Variants in ITGA11 observed in about 807,000 individuals in gnomAD.
ITGA11 encodes the protein integrin alpha-11.
In ITGA11, 97 loss-of-function variants were observed where a neutral mutation model predicts 141.9. The ratio of observed to expected loss-of-function variants is 0.68; its 90% CI spans 0.58 to 0.81. The LOEUF (loss-of-function observed/expected upper bound fraction) is 0.81. Ranked by LOEUF, ITGA11 falls within the 30% of genes least tolerant of loss-of-function variation. The pLI is 0.00. For synonymous variants in ITGA11, 658 were observed against 624.6 expected, an observed-to-expected ratio of 1.05 and a Z score of -0.80; for missense variants, 1,387 against 1,559.2, an observed-to-expected ratio of 0.89 and a Z score of 1.86.
chr15:68,384,549 G>A (rs1370661095), intron 2 of ITGA11, among the ~76,000 whole-genome samples: 1 of 152,180 alleles, frequency 6.6e-6, no homozygotes, highest in Non-Finnish European at 1.5e-5. Context: ...TCTTGTCTGT[G>A]TGTGCCTGCC....
intron 20 of ITGA11, among the ~76,000 whole-genome samples, chr15:68,319,268 T>C (rs1265946547): frequency 6.6e-6 from 1 of 152,144 alleles, no homozygotes; most frequent in Admixed American, 6.5e-5. Flanking sequence ...TCCTCCTCTG[T>C]AAAATGGGGA....
At position 68,406,477 on chromosome 15, in the gene ITGA11, A is replaced by G. The variant is rs116807389; in HGVS notation, c.53-3448T>C. Among the ~76,000 whole-genome samples, 298 of 152,150 alleles carry G rather than the reference A, an allele frequency of 2.0e-3. 1 individual carries two copies. The highest frequency in any genetic ancestry group is 6.9e-3 in the African/African-American group (288 of 41,510). On this transcript the variant is annotated intron_variant, in intron 1 of 29. Coordinates refer to ENST00000315757, the MANE Select transcript of ITGA11 (RefSeq NM_001004439.2). ...GGAATGCTCTTCTTCCCATACCTGCAAGGCTCTCTCCCTCCAGTCTTAGAA... is the reference window on the plus strand; with the variant it reads ...GGAATGCTCTTCTTCCCATACCTGCGAGGCTCTCTCCCTCCAGTCTTAGAA...
intron 2 of ITGA11, among the ~76,000 whole-genome samples, chr15:68,393,345 T>C (rs1017453251): frequency 5.3e-5 from 8 of 152,120 alleles, no homozygotes; most frequent in African/African-American, 1.9e-4. Context: ...ATTTTCCAAA[T>C]CTAATTAAAA....
Position 68,339,512 on chromosome 15 carries a change from C to A in ITGA11, c.1264G>T (p.Gly422Cys). The A allele has an allele frequency of 6.2e-7, 1 of 1,613,344 alleles. No homozygotes were observed. The highest frequency in any genetic ancestry group is 8.5e-7 in the Non-Finnish European group (1 of 1,179,654). Residue 422 changes from glycine to cysteine, a missense_variant, in exon 11 of 30, where the codon GGT becomes TGT. Physicochemically the swap from Gly to Cys is radical, Grantham distance 159. Coordinates refer to ENST00000315757, the MANE Select transcript of ITGA11 (RefSeq NM_001004439.2). ...TCTGCGCTCTTACCCAGGTATGCACCATGGTTCTTGAGCTCCTCGGGGAAC... is the reference window on the plus strand; with the variant it reads ...TCTGCGCTCTTACCCAGGTATGCACAATGGTTCTTGAGCTCCTCGGGGAAC... ...KEFPEELKNH[G>C]AYLGYTVTSV...
intron 2 of ITGA11, among the ~76,000 whole-genome samples, chr15:68,370,946 G>A (rs900581182): frequency 2.0e-5 from 3 of 152,194 alleles, no homozygotes; most frequent in African/African-American, 4.8e-5. Context: ...CCTTGGCGCT[G>A]TCAGGAAGGA....
chr15:68,389,251 C>T (rs572706499), intron 2 of ITGA11, among the ~76,000 whole-genome samples: 99 of 152,380 alleles, frequency 6.5e-4, no homozygotes, highest in Admixed American at 1.2e-3. Context: ...TTGTGTGTCC[C>T]TCCTTTGGGA....
intron 2 of ITGA11, among the ~76,000 whole-genome samples, chr15:68,370,128 T>C (rs1323020076): frequency 1.3e-5 from 2 of 152,198 alleles, no homozygotes; most frequent in Non-Finnish European, 2.9e-5. Context: ...GACCTGGTGC[T>C]GCTTCCTTTC....
chr15:68,424,089 G>T (rs1595901810), intron 1 of ITGA11, among the ~76,000 whole-genome samples: 1 of 152,148 alleles, frequency 6.6e-6, no homozygotes, highest in East Asian at 1.9e-4. Flanking sequence ...GGTTTTTCTG[G>T]TCTCCCCCTT....
intron 3 of ITGA11, among the ~76,000 whole-genome samples, chr15:68,367,134 C>T (rs903074891): frequency 5.3e-5 from 8 of 152,168 alleles, no homozygotes; most frequent in Admixed American, 3.9e-4. Flanking sequence ...CTTTGCTACC[C>T]ACTGCCTCCT....
intron 2 of ITGA11, among the ~76,000 whole-genome samples, chr15:68,384,624 CTCTCTCCCTCTCTA>C (rs1468199795): frequency 2.0e-5 from 3 of 152,212 alleles, no homozygotes; most frequent in African/African-American, 7.2e-5. Flanking sequence ...ACAGTTTTTC[CTCTCTCCCTCTCTA>C]TCTCTCCCTC....
chr15:68,318,707 T>C (rs186979893), intron 20 of ITGA11, among the ~76,000 whole-genome samples: 20 of 151,710 alleles, frequency 1.3e-4, no homozygotes, highest in Admixed American at 9.8e-4. Context: ...TAGGAACTGC[T>C]CCTGTGTGTG....
chr15:68,363,010 T>A (rs540358506), intron 4 of ITGA11, among the ~76,000 whole-genome samples: 6 of 151,964 alleles, frequency 3.9e-5, no homozygotes, highest in Non-Finnish European at 8.8e-5. Context: ...GGTTGATGGA[T>A]GGATGGATGA....
chr15:68,401,227 T>A (rs1896502126), intron 2 of ITGA11, among the ~76,000 whole-genome samples: 1 of 151,862 alleles, frequency 6.6e-6, no homozygotes, highest in African/African-American at 2.4e-5. Flanking sequence ...TGAAGACATG[T>A]CACAACCAGA....
In ITGA11 at chr15:68,299,199, A is replaced by G. The variant is rs1892971180; in HGVS notation, c.*3860T>C. On this transcript the variant is annotated 3_prime_UTR_variant, in exon 30 of 30. Transcript: ENST00000315757. ...TTGAAAAGTTTTAGTGTCCAGGTGC[A>G]AGGCTTACAATTCCCTCCTCATGCT... 1 of 152,202 alleles carries G rather than the reference A, an allele frequency of 6.6e-6. No homozygotes were observed. The highest frequency in any genetic ancestry group is 1.5e-5 in the Non-Finnish European group (1 of 68,036). 9.4% of individuals were successfully genotyped at this position (152,202 alleles called of 1,614,324 possible).
At position 68,321,089 on chromosome 15, in the gene ITGA11, C is replaced by T. The variant is rs1375979548; in HGVS notation, c.2408+329G>A. On this transcript the variant is annotated intron_variant, in intron 19 of 29. Transcript: ENST00000315757. The surrounding 1 kb of genome is among the most constrained non-coding windows in gnomAD (Gnocchi z 4.9). Reference sequence around the variant, plus strand: ...GTCACCTCATCTGGGGGCTGAAGGACAAGCACCCAGAACTCCAGAGACTCC... The same window carrying T: ...GTCACCTCATCTGGGGGCTGAAGGATAAGCACCCAGAACTCCAGAGACTCC... Among the ~76,000 whole-genome samples the T allele has an allele frequency of 6.6e-6, 1 of 151,850 alleles. No individual in the cohort carries two copies. Among genetic ancestry groups the T allele is most frequent in the Admixed American group, 6.6e-5 (1 of 15,240 alleles).
At chr15:68,426,581 C>G (rs755032116) in intron 1 of ITGA11, among the ~76,000 whole-genome samples, 3 of 152,156 alleles carry the variant, frequency 2.0e-5, no homozygotes. Flanking sequence ...AAGCTGGTGC[C>G]CCTGTGGGGG....
At chr15:68,318,669 C>T (rs1345135135) in intron 20 of ITGA11, among the ~76,000 whole-genome samples, 1 of 152,092 alleles carries the variant, frequency 6.6e-6, no homozygotes, top group African/African-American at 2.4e-5. Context: ...GGGGTGGCCT[C>T]CCTCCACTCA....
chr15:68,354,297 C>T (rs907017888), intron 7 of ITGA11, among the ~76,000 whole-genome samples: 1 of 152,268 alleles, frequency 6.6e-6, no homozygotes, highest in African/African-American at 2.4e-5. Context: ...ATAGTAGAGG[C>T]TCAATAAAGT....
At chr15:68,331,736 G>T in intron 14 of ITGA11, 123 bp downstream of exon 14, 1 of 841,306 alleles carries the variant, frequency 1.2e-6, no homozygotes, top group Non-Finnish European at 1.9e-6. Flanking sequence ...GGACAGATTG[G>T]CATCCGTTTC....
Sources: allele counts gnomAD v4.1 joint callset (sites outside exome capture counted in the v4.1 genomes callset), GRCh38; gene constraint gnomAD v4.1.1; non-coding constraint Gnocchi (gnomAD v3.1); transcripts MANE v1.5; gene names NCBI Gene and HGNC (gene_info 2026-07-23, HGNC 2026-07-21).